The following SLC13A5 variants were observed in gnomAD, a reference collection of about 807,000 sequenced individuals.
SLC13A5 encodes the protein solute carrier family 13 member 5, also known as Na(+)/citrate cotransporter.
A neutral mutation model predicts 56.5 loss-of-function variants in SLC13A5; 25 were observed. The observed-to-expected ratio is 0.44, with a 90% CI of 0.32 to 0.62. The LOEUF (loss-of-function observed/expected upper bound fraction) is 0.62, where lower values mean the gene tolerates loss of function less well. Ranked by LOEUF, SLC13A5 falls within the 20% of genes least tolerant of loss-of-function variation. SLC13A5 has a pLI of 0.04. For synonymous variants in SLC13A5, 307 were observed against 301.5 expected (o/e 1.02, Z -0.19); for missense variants, 649 against 737.8 (o/e 0.88, Z 1.39).
At chr17:6,703,248 A>T (rs1973767018) in intron 4 of SLC13A5, 110 bp from the exon 5 acceptor site, 1 of 1,359,826 alleles carries the variant, frequency 7.4e-7, no homozygotes, top group South Asian at 1.3e-5. Flanking sequence ...AGCTCTGCTG[A>T]TTTAGCTGCC....
rs1973274491 is a variant in SLC13A5 at position 6,687,291 on chromosome 17, C to G, written c.1575+238G>C. On this transcript the variant is annotated intron_variant, in intron 11 of 11. Transcript: ENST00000433363. This position sits in a 1 kb window ranked among gnomAD's most constrained non-coding sequence, Gnocchi z 5.0. ...TCCCCTGGTGCCTGCACAGGCTTCT[C>G]CAGGTGGGAGAGTCTATAACCCACC... 7.8e-6 allele frequency: 4 copies of G among 511,564 alleles called. No individual in the cohort carries two copies. The East Asian group carries it at 1.6e-4, about 21-fold the overall frequency. 31.7% of individuals were successfully genotyped at this position (511,564 alleles called of 1,614,324 possible).
Position 6,685,958 on chromosome 17 carries a change from C to T in SLC13A5, c.*249G>A. The T allele has an allele frequency of 1.9e-6, 1 of 520,908 alleles. No individual in the cohort carries two copies. The highest frequency in any genetic ancestry group is 3.4e-6 in the Non-Finnish European group (1 of 291,168). 32.3% of individuals were successfully genotyped at this position (520,908 alleles called of 1,614,324 possible). A position where few individuals can be genotyped will look rare whatever the true frequency, so the allele number is the denominator to read the frequency against. ...CTCCCTCACAGAGATAATGGCAAGG[C>T]TTGGGAAAGATGGGTCCAGCAGCCC... On this transcript the variant is annotated 3_prime_UTR_variant, in exon 12 of 12. Transcript: ENST00000433363. This position sits in a 1 kb window ranked among gnomAD's most constrained non-coding sequence, Gnocchi z 4.2.
At position 6,687,611 on chromosome 17, in the gene SLC13A5, G is replaced by A. The variant is rs1747943174; in HGVS notation, c.1493C>T (p.Ala498Val). The A allele has an allele frequency of 6.2e-7, 1 of 1,613,750 alleles. No homozygotes were observed. The change falls in exon 11 of 12, where the codon GCC becomes GTC. Residue 498 changes from alanine to valine, a missense_variant. Coordinates refer to ENST00000433363, the MANE Select transcript of SLC13A5 (RefSeq NM_177550.5). The surrounding 1 kb of genome is among the most constrained non-coding windows in gnomAD (Gnocchi z 5.0). The stretch of plus-strand genomic sequence containing the variant: ...CACAGGCAACATGAAGGCAAAGGAG[G>A]CACTCAGGGTACAGGGCAGCATGAT... ...LYIMLPCTLS[A>V]SFAFMLPVAT...
Position 6,713,139 on chromosome 17 carries a change from C to T in SLC13A5, c.102+93G>A. 2 of 1,302,388 alleles carry T rather than the reference C, an allele frequency of 1.5e-6. No homozygotes were observed. The highest frequency in any genetic ancestry group is 1.3e-5 in the South Asian group (1 of 79,484). The allele number at this position is 1,302,388 out of a possible 1,614,324, so 80.7% of individuals were successfully genotyped here. A position where few individuals can be genotyped will look rare whatever the true frequency, so the allele number is the denominator to read the frequency against. ...GGGAGAGCTGTGCTCCCCGCGAAAT[C>T]CGTGCGCTCCAGCTCAGGGCTCCCG... On this transcript the variant is annotated intron_variant, in intron 1 of 11. Coordinates refer to ENST00000433363, the MANE Select transcript of SLC13A5 (RefSeq NM_177550.5). This position sits in a 1 kb window ranked among gnomAD's most constrained non-coding sequence, Gnocchi z 7.3.
intron 6 of SLC13A5, 136 bp from the exon 7 acceptor site, chr17:6,696,077 A>T (rs1282016300): frequency 5.5e-6 from 4 of 727,964 alleles, no homozygotes; most frequent in Non-Finnish European, 9.1e-6. Context: ...TGGGGCCTGG[A>T]GAAAGGCCCT....
In SLC13A5 at chr17:6,706,644, T is replaced by C; in HGVS notation, c.366A>G (p.Ala122=). 2 of 1,613,452 alleles carry C rather than the reference T, an allele frequency of 1.2e-6. No homozygotes were observed. Among genetic ancestry groups the C allele is most frequent in the African/African-American group, 1.3e-5 (1 of 75,030 alleles). Residue 122 remains alanine (A), a splice_region_variant and synonymous_variant, in exon 3 of 12, where the codon GCA becomes GCG. Transcript: ENST00000433363. ...RTLLWVGAKP[A]RLMLGFMGVT... is the part of the protein sequence containing the mutation. ...CAAGAGAGAGAAGGCGTAATTACCG[T>C]GCAGGCTTGGCCCCCACCCAGAGGA... is the stretch of plus-strand genomic sequence containing the variant.
At chr17:6,693,016 C>T (rs1166096719) in intron 9 of SLC13A5, 28 bp downstream of exon 9, 1 of 1,574,968 alleles carries the variant, frequency 6.3e-7, no homozygotes. Flanking sequence ...GAAGAGGGCT[C>T]TGGGCAGCCT....
chr17:6,703,937 C>A lies in SLC13A5; in HGVS notation c.488G>T (p.Ser163Ile). 1 of 1,606,266 alleles carries A rather than the reference C, an allele frequency of 6.2e-7. No homozygotes were observed. The highest frequency in any genetic ancestry group is 1.7e-5 in the Admixed American group (1 of 59,666). ...EAILQQMEAT[S>I]AATEAGLELV... ...CTCCAGGCCGGCCTCGGTGGCTGCG[C>A]TTGTGGCTTCCATCTGCTGCAATAT... The change falls in exon 4 of 12, where the codon AGC (serine) becomes ATC (isoleucine). Residue 163 changes from serine (S) to isoleucine (I), a missense_variant. Ser to Ile is a moderately radical substitution (Grantham distance 142). Transcript: ENST00000433363.
chr17:6,699,251 G>A (rs1973646434), intron 6 of SLC13A5, among the ~76,000 whole-genome samples: 1 of 152,052 alleles, frequency 6.6e-6, no homozygotes, highest in Admixed American at 6.5e-5. Flanking sequence ...TGAGAGACCT[G>A]TTCGACGGAT....
chr17:6,687,995 G>C lies in SLC13A5; in HGVS notation c.1438-329C>G, dbSNP rs529202111. On this transcript the variant is annotated intron_variant, in intron 10 of 11. Transcript: ENST00000433363. The surrounding 1 kb of genome is among the most constrained non-coding windows in gnomAD (Gnocchi z 5.0). ...CCGCGTGCACATGTCTGTCTGTCTT[G>C]CCACAGACTGAGAGAGCCTAGAGGC... 5 of 187,762 alleles carry C rather than the reference G, an allele frequency of 2.7e-5. No individual in the cohort carries two copies. The highest frequency in any genetic ancestry group is 5.4e-5 in the Non-Finnish European group (5 of 91,940). 11.6% of individuals were successfully genotyped at this position (187,762 alleles called of 1,614,324 possible).
At chr17:6,709,461 G>A (rs368699348) in intron 1 of SLC13A5, among the ~76,000 whole-genome samples, 18 of 152,124 alleles carry the variant, frequency 1.2e-4, no homozygotes, top group African/African-American at 3.6e-4. Flanking sequence ...GTAGAGAGGG[G>A]ATTTCACCAT....
In SLC13A5 at chr17:6,692,809, C is replaced by T. The variant is rs1032170171; in HGVS notation, c.1275+235G>A. 3 of 544,844 alleles carry T rather than the reference C, an allele frequency of 5.5e-6. No individual in the cohort carries two copies. Among genetic ancestry groups the T allele is most frequent in the Non-Finnish European group, 9.8e-6 (3 of 305,026 alleles). 33.8% of individuals were successfully genotyped at this position (544,844 alleles called of 1,614,324 possible). ...GTCCTCTGCCTCTCTTGGCTAACCA[C>T]GGTCACTCATTCACTCATTCCTGCA... is the stretch of plus-strand genomic sequence containing the variant. On this transcript the variant is annotated intron_variant, in intron 9 of 11. Transcript: ENST00000433363. The surrounding 1 kb of genome is among the most constrained non-coding windows in gnomAD (Gnocchi z 5.5).
At position 6,692,442 on chromosome 17, in the gene SLC13A5, T is replaced by A. The variant is rs1294802787; in HGVS notation, c.1275+602A>T. ...AAGAAACAGCAATAACTAGACCAAG[T>A]CTGTCTATTACACTCCTGGATACTT... is the stretch of plus-strand genomic sequence containing the variant. On this transcript the variant is annotated intron_variant, in intron 9 of 11. Coordinates refer to ENST00000433363, the MANE Select transcript of SLC13A5 (RefSeq NM_177550.5). The surrounding 1 kb of genome is among the most constrained non-coding windows in gnomAD (Gnocchi z 5.5). Among the ~76,000 whole-genome samples, 1 of 152,232 alleles carries A rather than the reference T, an allele frequency of 6.6e-6. No homozygotes were observed. Among genetic ancestry groups the A allele is most frequent in the Non-Finnish European group, 1.5e-5 (1 of 68,042 alleles).
intron 6 of SLC13A5, among the ~76,000 whole-genome samples, chr17:6,696,640 A>C (rs1047846419): frequency 6.6e-6 from 1 of 151,886 alleles, no homozygotes; most frequent in South Asian, 2.1e-4. Flanking sequence ...TTCTTGGAGG[A>C]GGTGTAAAGG....
At position 6,687,580 on chromosome 17, in the gene SLC13A5, G is replaced by C; in HGVS notation, c.1524C>G (p.Thr508=). The part of the protein sequence containing the change: ...ASFAFMLPVA[T]PPNAIVFTYG... ...AGGTGAACACGATGGCATTTGGAGG[G>C]GTGGCCACAGGCAACATGAAGGCAA... is the stretch of plus-strand genomic sequence containing the variant. The change falls in exon 11 of 12, where the codon ACC becomes ACG. Residue 508 remains threonine, a synonymous_variant. Coordinates refer to ENST00000433363, the MANE Select transcript of SLC13A5 (RefSeq NM_177550.5). This position sits in a 1 kb window ranked among gnomAD's most constrained non-coding sequence, Gnocchi z 5.0. 6.2e-7 allele frequency: 1 copy of C among 1,613,838 alleles called. No homozygotes were observed.
rs748215544 is a variant in SLC13A5, at chr17:6,703,937, C to CTTG, written c.485_487dup (p.Thr162dup). The CTTG allele has an allele frequency of 6.9e-5, 111 of 1,606,148 alleles. No individual in the cohort carries two copies. Among genetic ancestry groups the CTTG allele is most frequent in the Non-Finnish European group, 9.1e-5 (107 of 1,175,528 alleles). The stretch of plus-strand genomic sequence containing the variant: ...CTCCAGGCCGGCCTCGGTGGCTGCG[C>CTTG]TTGTGGCTTCCATCTGCTGCAATAT... On this transcript the variant is annotated inframe_insertion, in exon 4 of 12. Coordinates refer to ENST00000433363, the MANE Select transcript of SLC13A5 (RefSeq NM_177550.5).
At chr17:6,688,930 A>G (rs1449121065) in intron 10 of SLC13A5, 1 of 152,220 alleles carries the variant, frequency 6.6e-6, no homozygotes, top group Non-Finnish European at 1.5e-5. Context: ...AAACTATACT[A>G]TGAGCATGTT....
In SLC13A5 at chr17:6,701,235, G is replaced by A. The variant is rs575743868; in HGVS notation, c.717-109C>T. On this transcript the variant is annotated intron_variant, in intron 5 of 11. Coordinates refer to ENST00000433363, the MANE Select transcript of SLC13A5 (RefSeq NM_177550.5). This position sits in a 1 kb window ranked among gnomAD's most constrained non-coding sequence, Gnocchi z 4.1. The stretch of plus-strand genomic sequence containing the variant: ...GGGCCCTGAGAGGCGCGCCTGTGTG[G>A]AGGCCACATCCTCCTGAGGTCTAGC... 5 of 1,470,048 alleles carry A rather than the reference G, an allele frequency of 3.4e-6. No individual in the cohort carries two copies. The highest frequency in any genetic ancestry group is 4.6e-6 in the Non-Finnish European group (5 of 1,087,650). The allele number at this position is 1,470,048 out of a possible 1,614,324, so 91.1% of individuals were successfully genotyped here.
chr17:6,704,238 C>G, intron 3 of SLC13A5, 182 bp from the exon 4 acceptor site: 1 of 721,452 alleles, frequency 1.4e-6, no homozygotes, highest in Non-Finnish European at 2.5e-6. Context: ...TCCTTCCCTT[C>G]TTTGCTTCCT....
Sources: allele counts gnomAD v4.1 joint callset (sites outside exome capture counted in the v4.1 genomes callset), GRCh38; gene constraint gnomAD v4.1.1; non-coding constraint Gnocchi (gnomAD v3.1); transcripts MANE v1.5; gene names NCBI Gene and HGNC (gene_info 2026-07-23, HGNC 2026-07-21).